Variants in MAF observed in about 807,000 individuals in gnomAD.
The protein encoded by MAF is transcription factor Maf.
MAF carries 10 observed loss-of-function variants against 22.0 expected under a neutral mutation model. That is an observed-to-expected ratio of 0.45 (90% CI 0.28 to 0.77). The LOEUF is 0.77. Ranked by LOEUF, MAF falls within the 30% of genes least tolerant of loss-of-function variation. MAF has a pLI of 0.12. For synonymous variants in MAF, 337 were observed against 255.8 expected (o/e 1.32, Z -3.03); for missense variants, 544 against 548.4 (o/e 0.99, Z 0.08).
the MAF span, among the ~76,000 whole-genome samples, chr16:79,223,342 C>T: frequency 6.8e-3 from 1,039 of 152,296 alleles, 16 homozygotes; most frequent in African/African-American, 0.024. Context: ...GTAGCAGAAT[C>T]TCTGGGACAC....
chr16:79,465,390 T>G, the MAF span, among the ~76,000 whole-genome samples: 1 of 152,018 alleles, frequency 6.6e-6, no homozygotes, highest in African/African-American at 2.4e-5. Flanking sequence ...CCCAGGAGTT[T>G]GAGACAAGAC....
the MAF span, among the ~76,000 whole-genome samples, chr16:79,450,355 CACCTGCATTGGAG>C: frequency 6.6e-6 from 1 of 152,194 alleles, no homozygotes; most frequent in Non-Finnish European, 1.5e-5. Flanking sequence ...CCACAAAATG[CACCTGCATTGGAG>C]AAATGTCCAT....
chr16:79,590,729 G>C (rs1421504262), downstream of MAF, among the ~76,000 whole-genome samples: 1 of 151,994 alleles, frequency 6.6e-6, no homozygotes, highest in East Asian at 1.9e-4. Context: ...GAATGACCTG[G>C]AGCTGACCCC....
At chr16:79,290,968 T>G in the MAF span, among the ~76,000 whole-genome samples, 4 of 152,134 alleles carry the variant, frequency 2.6e-5, no homozygotes, top group Non-Finnish European at 5.9e-5. Flanking sequence ...GATGTGATGC[T>G]TATTCACAAT....
the MAF span, among the ~76,000 whole-genome samples, chr16:79,531,702 C>T: frequency 6.6e-6 from 1 of 152,134 alleles, no homozygotes; most frequent in Non-Finnish European, 1.5e-5. Flanking sequence ...GGAGGCAGCA[C>T]TCAGGCAGTC....
At chr16:79,555,931 C>A in the MAF span, among the ~76,000 whole-genome samples, 5 of 152,030 alleles carry the variant, frequency 3.3e-5, no homozygotes, top group Non-Finnish European at 7.4e-5. Context: ...TAGATAACTG[C>A]AAGGGCATAA....
At chr16:79,513,911 C>T in the MAF span, among the ~76,000 whole-genome samples, 7 of 152,072 alleles carry the variant, frequency 4.6e-5, no homozygotes, top group South Asian at 2.1e-4. Flanking sequence ...TGAATATCTC[C>T]GATGCAATTC....
the MAF span, among the ~76,000 whole-genome samples, chr16:79,250,111 G>T: frequency 6.6e-6 from 1 of 152,172 alleles, no homozygotes; most frequent in African/African-American, 2.4e-5. Flanking sequence ...AGAAGACATT[G>T]TTCTCACCTC....
chr16:79,437,116 G>C, the MAF span, among the ~76,000 whole-genome samples: 7 of 151,726 alleles, frequency 4.6e-5, no homozygotes, highest in East Asian at 5.8e-4. Context: ...ATGTGTTAAA[G>C]ACTAAAATGG....
the MAF span, chr16:79,203,881 T>C: frequency 1.3e-5 from 2 of 152,192 alleles, no homozygotes; most frequent in Non-Finnish European, 2.9e-5. Context: ...GCTATAACCA[T>C]AACAGAGGTT....
the MAF span, among the ~76,000 whole-genome samples, chr16:79,371,470 T>C: frequency 6.6e-6 from 1 of 152,104 alleles, no homozygotes; most frequent in African/African-American, 2.4e-5. Flanking sequence ...CAGAAATACA[T>C]CCACTTTCTC....
At chr16:79,480,714 G>A in the MAF span, among the ~76,000 whole-genome samples, 1 of 152,134 alleles carries the variant, frequency 6.6e-6, no homozygotes, top group South Asian at 2.1e-4. Context: ...GGAGGTGTGG[G>A]GTCAGAGTAC....
At chr16:79,212,805 C>CTTGT in the MAF span, 1 of 152,276 alleles carries the variant, frequency 6.6e-6, no homozygotes, top group South Asian at 2.1e-4. Flanking sequence ...AAACACGATT[C>CTTGT]TTGTTTCTTC....
At chr16:79,372,334 T>C in the MAF span, among the ~76,000 whole-genome samples, 14 of 152,190 alleles carry the variant, frequency 9.2e-5, no homozygotes, top group East Asian at 1.9e-3. Context: ...TTTTAAATAA[T>C]AGATGTTAAA....
chr16:79,547,168 C>A, the MAF span, among the ~76,000 whole-genome samples: 1 of 151,974 alleles, frequency 6.6e-6, no homozygotes, highest in Non-Finnish European at 1.5e-5. Context: ...GAAACATCCT[C>A]TACTCCAAAC....
chr16:79,565,723 A>C, the MAF span, among the ~76,000 whole-genome samples: 1 of 152,292 alleles, frequency 6.6e-6, no homozygotes, highest in South Asian at 2.1e-4. Flanking sequence ...TGAGTCAACT[A>C]AACTTCTTTC....
At chr16:79,548,740 C>G in the MAF span, among the ~76,000 whole-genome samples, 284 of 152,256 alleles carry the variant, frequency 1.9e-3, no homozygotes, top group Non-Finnish European at 3.1e-3. Flanking sequence ...CCAGCAGATA[C>G]CTACCCACCA....
the MAF span, among the ~76,000 whole-genome samples, chr16:79,262,859 G>A: frequency 6.6e-6 from 1 of 152,194 alleles, no homozygotes; most frequent in Non-Finnish European, 1.5e-5. Flanking sequence ...TTGAAGGGGT[G>A]CAGAAATAAC....
chr16:79,599,930 GCC>G lies in MAF; in HGVS notation c.-30_-29del. On this transcript the variant is annotated 5_prime_UTR_variant, in exon 1 of 2. Coordinates refer to ENST00000326043, the MANE Select transcript of MAF (RefSeq NM_005360.5). ...TCCTGCCGCCGCCGCCGCCGCCGCC[GCC>G]GCTCCGCCAGATGGGCTGCAGGAGA... The G allele has an allele frequency of 2.5e-6, 4 of 1,597,308 alleles. No individual in the cohort carries two copies. Among genetic ancestry groups the G allele is most frequent in the Non-Finnish European group, 3.4e-6 (4 of 1,179,162 alleles).
Sources: gnomAD v4.1 joint callset for allele counts (sites outside exome capture counted in the v4.1 genomes callset) on GRCh38, gnomAD v4.1.1 for gene constraint, MANE v1.5 for transcripts, NCBI Gene and HGNC (gene_info 2026-07-23, HGNC 2026-07-21) for gene names.